PDCD10: variants seen among roughly 807,000 people sequenced by gnomAD.
The protein encoded by PDCD10 is programmed cell death 10.
In PDCD10, 4 loss-of-function variants were observed where a neutral mutation model predicts 29.2. That is an observed-to-expected ratio of 0.14 (90% confidence interval 0.07 to 0.31). The LOEUF (loss-of-function observed/expected upper bound fraction) is 0.31. Ranked by LOEUF, PDCD10 falls within the 10% of genes least tolerant of loss-of-function variation. PDCD10 has a pLI of 1.00. For synonymous variants in PDCD10, 70 were observed against 82.2 expected (o/e 0.85, Z 0.80); for missense variants, 183 against 257.9 (o/e 0.71, Z 1.99).
At chr3:167,695,366 T>G (rs933509673) in intron 6 of PDCD10, among the ~76,000 whole-genome samples, 1 of 152,190 alleles carries the variant, frequency 6.6e-6, no homozygotes, top group Non-Finnish European at 1.5e-5. Flanking sequence ...TAGTTCAAAC[T>G]ACATTCCAGT....
At chr3:167,689,684 C>T (rs923463436) in intron 6 of PDCD10, among the ~76,000 whole-genome samples, 3 of 151,904 alleles carry the variant, frequency 2.0e-5, no homozygotes, top group Non-Finnish European at 2.9e-5. Flanking sequence ...TGGGGGGAGG[C>T]GCAACTCCTC....
rs184532453 is a variant in PDCD10, at chr3:167,695,841, G to T, written c.269-119C>A. 4,642 of 960,900 alleles carry T rather than the reference G, an allele frequency of 4.8e-3. 24 individuals carry two copies. The highest frequency in any genetic ancestry group is 0.015 in the South Asian group (1,162 of 75,554). The allele number at this position is 960,900 out of a possible 1,614,324, so 59.5% of individuals were successfully genotyped here. A position where few individuals can be genotyped will look rare whatever the true frequency, so the allele number is the denominator to read the frequency against. ...GGGAGGTGAAAGGCCAGATAATTAG[G>T]AAAGACAAGGTTGCAAAGCAGAATT... On this transcript the variant is annotated intron_variant, in intron 5 of 8. Transcript: ENST00000392750.
chr3:167,724,919 T>G (rs1268450274), intron 2 of PDCD10, among the ~76,000 whole-genome samples: 2 of 152,122 alleles, frequency 1.3e-5, no homozygotes, highest in African/African-American at 2.4e-5. Context: ...GGATTTCAAT[T>G]AACTGACAAT....
intron 2 of PDCD10, among the ~76,000 whole-genome samples, chr3:167,726,014 C>T (rs997886616): frequency 6.7e-6 from 1 of 150,198 alleles, no homozygotes; most frequent in African/African-American, 2.4e-5. Context: ...GCAGCACAAG[C>T]TTGTGGATCT....
chr3:167,705,223 CAT>C (rs527469876), intron 3 of PDCD10, among the ~76,000 whole-genome samples: 2,213 of 152,144 alleles, frequency 0.015, 56 homozygotes, highest in African/African-American at 0.05. Flanking sequence ...CACAGAATTT[CAT>C]AATTTCATAA....
intron 6 of PDCD10, among the ~76,000 whole-genome samples, chr3:167,693,582 G>A (rs993418889): frequency 6.6e-6 from 1 of 152,146 alleles, no homozygotes; most frequent in Admixed American, 6.5e-5. Flanking sequence ...ATTCTGATAG[G>A]TAGAGCCAGG....
rs1387858930 is a variant in PDCD10 at position 167,684,368 on chromosome 3, A to G, written c.579T>C (p.Ser193=). ...TGGTTTGATGAATTAGTCGGTTGGC[A>G]CTTACGAACACATTTATTGCCCTGT... ...KDGKAINVFV[S]ANRLIHQTNL... is the part of the protein sequence containing the mutation. Residue 193 remains serine (S), a synonymous_variant, in exon 9 of 9, where the codon AGT becomes AGC. Coordinates refer to ENST00000392750, the MANE Select transcript of PDCD10 (RefSeq NM_007217.4). 1 of 1,601,808 alleles carries G rather than the reference A, an allele frequency of 6.2e-7. No homozygotes were observed. Among genetic ancestry groups the G allele is most frequent in the South Asian group, 1.1e-5 (1 of 90,846 alleles).
At chr3:167,712,615 T>C (rs996412011) in intron 3 of PDCD10, among the ~76,000 whole-genome samples, 1 of 151,970 alleles carries the variant, frequency 6.6e-6, no homozygotes, top group Non-Finnish European at 1.5e-5. Context: ...AAGTCCTTAC[T>C]TATCAATAAT....
chr3:167,696,797 C>T (rs1017995209), intron 5 of PDCD10, among the ~76,000 whole-genome samples: 1 of 152,076 alleles, frequency 6.6e-6, no homozygotes, highest in Non-Finnish European at 1.5e-5. Flanking sequence ...GTAATTAAAT[C>T]TCACAAATAT....
Position 167,705,037 on chromosome 3 carries a change from C to T in PDCD10, c.97-142G>A. Reference sequence around the variant, plus strand: ...TTAACAATTGTACATCACCGTAATTCTTCAATTAGGCTATCAAAATTTTCA... The same window carrying T: ...TTAACAATTGTACATCACCGTAATTTTTCAATTAGGCTATCAAAATTTTCA... On this transcript the variant is annotated intron_variant, in intron 3 of 8. Coordinates refer to ENST00000392750, the MANE Select transcript of PDCD10 (RefSeq NM_007217.4). The T allele has an allele frequency of 5.5e-6, 3 of 543,072 alleles. No homozygotes were observed. The East Asian group carries it at 9.1e-5, about 17-fold the overall frequency. 33.6% of individuals were successfully genotyped at this position (543,072 alleles called of 1,614,324 possible). A position where few individuals can be genotyped will look rare whatever the true frequency, so the allele number is the denominator to read the frequency against.
chr3:167,703,611 A>G (rs2108434511), intron 4 of PDCD10, among the ~76,000 whole-genome samples: 1 of 152,260 alleles, frequency 6.6e-6, no homozygotes, highest in Middle Eastern at 3.4e-3. Context: ...AGGTTATTTG[A>G]GCTACTGATG....
chr3:167,716,631 G>A (rs751988199), intron 3 of PDCD10, among the ~76,000 whole-genome samples: 2 of 151,744 alleles, frequency 1.3e-5, no homozygotes, highest in East Asian at 1.9e-4. Flanking sequence ...ACGTTGGAGA[G>A]GTATTCCAGG....
intron 3 of PDCD10, among the ~76,000 whole-genome samples, chr3:167,710,355 C>T (rs888059273): frequency 1.3e-5 from 2 of 152,084 alleles, no homozygotes; most frequent in African/African-American, 4.8e-5. Flanking sequence ...AGCTCAGGCT[C>T]GGCAGCAATC....
chr3:167,694,169 G>A (rs1472604640), intron 6 of PDCD10, among the ~76,000 whole-genome samples: 36 of 150,908 alleles, frequency 2.4e-4, no homozygotes, highest in Admixed American at 2.3e-3. Context: ...AAAAAAAAAA[G>A]CATTTACACT....
chr3:167,726,114 G>GTTTTT (rs751342370), intron 2 of PDCD10, among the ~76,000 whole-genome samples: 29 of 85,760 alleles, frequency 3.4e-4, no homozygotes, highest in East Asian at 6.8e-4. Context: ...GTAGAGTACT[G>GTTTTT]TTTTTTTTTT....
chr3:167,708,767 A>G (rs1026124599), intron 3 of PDCD10, among the ~76,000 whole-genome samples: 1 of 152,246 alleles, frequency 6.6e-6, no homozygotes, highest in African/African-American at 2.4e-5. Flanking sequence ...AAAGGTAAGC[A>G]GAACCACCTA....
intron 7 of PDCD10, 142 bp from the exon 8 acceptor site, chr3:167,687,458 C>T (rs1393592339): frequency 2.7e-6 from 2 of 731,848 alleles, no homozygotes; most frequent in Admixed American, 2.1e-5. Flanking sequence ...GGAGTACTCA[C>T]TTTTAAATAA....
In PDCD10 at chr3:167,687,296, T is replaced by C. The variant is rs1052911180; in HGVS notation, c.495A>G (p.Lys165=). ...AACTTTTGGAGTACTTTACAAATTC[T>C]TTCTTTTGGTGTTCAAGTGCCTACA... ...QNRRALEHQK[K]EFVKYSKSFS... The change falls in exon 8 of 9, where the codon AAA becomes AAG. Residue 165 remains lysine (K), a synonymous_variant. Transcript: ENST00000392750. 2.5e-5 allele frequency: 40 copies of C among 1,587,756 alleles called. No homozygotes were observed. Among genetic ancestry groups the C allele is most frequent in the Non-Finnish European group, 3.4e-5 (39 of 1,156,658 alleles).
chr3:167,730,344 T>C (rs1164700534), intron 2 of PDCD10, among the ~76,000 whole-genome samples: 1 of 152,150 alleles, frequency 6.6e-6, no homozygotes, highest in Admixed American at 6.5e-5. Context: ...ATGGAAAAAA[T>C]TACTTATCAT....
Sources: allele counts gnomAD v4.1 joint callset (sites outside exome capture counted in the v4.1 genomes callset), GRCh38; gene constraint gnomAD v4.1.1; transcripts MANE v1.5; gene names NCBI Gene and HGNC (gene_info 2026-07-23, HGNC 2026-07-21).